The following SLC4A4 variants were observed in gnomAD, a reference collection of about 807,000 sequenced individuals.
SLC4A4 encodes the protein electrogenic sodium bicarbonate cotransporter 1.
A neutral mutation model predicts 111.5 loss-of-function variants in SLC4A4; 27 were observed. The observed-to-expected ratio is 0.24, with a 90% CI of 0.18 to 0.33. The LOEUF is 0.33. Among genes scored for constraint, SLC4A4 ranks in the 10% least tolerant of loss-of-function variants. The probability of loss-of-function intolerance (pLI) is 1.00; values close to 1 mark genes in which losing one functional copy is unlikely to be tolerated. For missense variants in SLC4A4, 909 were observed against 1,315.5 expected (o/e 0.69, Z 4.78); for synonymous variants, 443 against 463.4 (o/e 0.96, Z 0.57).
At chr4:71,452,140 A>C (rs1158393153) in intron 11 of SLC4A4, among the ~76,000 whole-genome samples, 1 of 152,054 alleles carries the variant, frequency 6.6e-6, no homozygotes, top group African/African-American at 2.4e-5. Flanking sequence ...ATAATATGCA[A>C]TTGAATGTGA....
At chr4:71,530,571 T>C (rs956137063) in intron 16 of SLC4A4, among the ~76,000 whole-genome samples, 3 of 152,098 alleles carry the variant, frequency 2.0e-5, no homozygotes, top group African/African-American at 7.2e-5. Context: ...AAGGCTGGCC[T>C]TCTCTTCCTC....
At chr4:71,468,581 A>G (rs1727590929) in intron 13 of SLC4A4, among the ~76,000 whole-genome samples, 1 of 152,012 alleles carries the variant, frequency 6.6e-6, no homozygotes, top group African/African-American at 2.4e-5. Context: ...ACTTAGTAAT[A>G]TGTGGCAAGC....
chr4:71,145,657 C>A (rs1261404900), intron 2 of SLC4A4, among the ~76,000 whole-genome samples: 1 of 152,148 alleles, frequency 6.6e-6, no homozygotes, highest in African/African-American at 2.4e-5. Flanking sequence ...GATTCAACTT[C>A]TTCCTGGTTT....
At chr4:71,128,320 A>G (rs1743612703) in intron 2 of SLC4A4, among the ~76,000 whole-genome samples, 1 of 152,126 alleles carries the variant, frequency 6.6e-6, no homozygotes, top group African/African-American at 2.4e-5. Flanking sequence ...ACCCATTCAC[A>G]ATCATGAGAA....
chr4:71,221,757 G>C (rs1409965120), intron 1 of SLC4A4, among the ~76,000 whole-genome samples: 2 of 152,202 alleles, frequency 1.3e-5, no homozygotes, highest in Non-Finnish European at 2.9e-5. Context: ...AGTTAATGCA[G>C]ATTGGCCTTT....
intron 2 of SLC4A4, among the ~76,000 whole-genome samples, chr4:71,239,035 G>A (rs1720001290): frequency 6.6e-6 from 1 of 152,134 alleles, no homozygotes; most frequent in African/African-American, 2.4e-5. Flanking sequence ...ATAGAGAAGA[G>A]TGTATCTGAA....
chr4:71,143,537 A>G (rs1325781575), intron 2 of SLC4A4, among the ~76,000 whole-genome samples: 1 of 152,204 alleles, frequency 6.6e-6, no homozygotes, highest in Non-Finnish European at 1.5e-5. Flanking sequence ...GACTTCCACA[A>G]TGGTTGAACT....
chr4:71,303,177 C>T (rs1725403018), intron 3 of SLC4A4, among the ~76,000 whole-genome samples: 1 of 152,104 alleles, frequency 6.6e-6, no homozygotes, highest in Non-Finnish European at 1.5e-5. Context: ...ATTACAGATA[C>T]AAATCTGAGG....
chr4:71,438,032 G>A (rs1345514003), intron 7 of SLC4A4: 1 of 153,756 alleles, frequency 6.5e-6, no homozygotes, highest in Non-Finnish European at 1.4e-5. Flanking sequence ...CTTTGCTACT[G>A]TGGCTGCGCA....
chr4:71,440,574 C>T (rs1724625058), intron 7 of SLC4A4, 42 bp from the exon 8 acceptor site: 39 of 1,612,530 alleles, frequency 2.4e-5, no homozygotes, highest in Non-Finnish European at 3.3e-5. Context: ...CCACAGGAAC[C>T]TTGTGGAACT....
intron 3 of SLC4A4, among the ~76,000 whole-genome samples, chr4:71,335,804 A>G (rs1329063746): frequency 6.6e-6 from 1 of 151,912 alleles, no homozygotes; most frequent in Non-Finnish European, 1.5e-5. Context: ...CAGCCTGGGC[A>G]ATAGTGTGAG....
In SLC4A4 at chr4:71,473,177, G is replaced by A. The variant is rs764724924; in HGVS notation, c.1903+207G>A. On this transcript the variant is annotated intron_variant, in intron 14 of 25. Coordinates refer to ENST00000264485, the MANE Select transcript of SLC4A4 (RefSeq NM_001098484.3). ...AACCAGGAAGGAGACCAGGAGCTCTGGAATGTGAACATAACCAACTCAATA... is the reference window on the plus strand; with the variant it reads ...AACCAGGAAGGAGACCAGGAGCTCTAGAATGTGAACATAACCAACTCAATA... 7.1e-6 allele frequency: 5 copies of A among 699,482 alleles called. No individual in the cohort carries two copies. The East Asian group carries it at 1.1e-4, about 15-fold the overall frequency. The allele number at this position is 699,482 out of a possible 1,614,324, so 43.3% of individuals were successfully genotyped here.
intron 1 of SLC4A4, among the ~76,000 whole-genome samples, chr4:71,227,979 C>G (rs1719160480): frequency 6.6e-6 from 1 of 152,178 alleles, no homozygotes; most frequent in Non-Finnish European, 1.5e-5. Context: ...AGCACACGGT[C>G]TTTGTGGAAG....
At chr4:71,235,220 C>G (rs1482022440) in intron 1 of SLC4A4, among the ~76,000 whole-genome samples, 1 of 152,174 alleles carries the variant, frequency 6.6e-6, no homozygotes, top group Non-Finnish European at 1.5e-5. Flanking sequence ...ATTTCTTAAA[C>G]CGGGGGCTAC....
chr4:71,435,447 A>G (rs560382484), intron 7 of SLC4A4, among the ~76,000 whole-genome samples: 1 of 152,370 alleles, frequency 6.6e-6, no homozygotes, highest in African/African-American at 2.4e-5. Context: ...ACCTAAAACC[A>G]TAAAATCCAT....
intron 2 of SLC4A4, among the ~76,000 whole-genome samples, chr4:71,109,529 T>C (rs959833160): frequency 1.3e-5 from 2 of 151,820 alleles, no homozygotes; most frequent in Non-Finnish European, 2.9e-5. Context: ...GGGTCCTTTA[T>C]TTTTATTTTT....
At chr4:71,202,785 C>G (rs2149004314) in intron 1 of SLC4A4, among the ~76,000 whole-genome samples, 1 of 152,104 alleles carries the variant, frequency 6.6e-6, no homozygotes, top group East Asian at 1.9e-4. Flanking sequence ...ATATGATGAT[C>G]TGTAGAAAAT....
chr4:71,292,017 G>T (rs1724392367), intron 3 of SLC4A4, among the ~76,000 whole-genome samples: 1 of 151,674 alleles, frequency 6.6e-6, no homozygotes, highest in Admixed American at 6.6e-5. Flanking sequence ...AAACAATCCA[G>T]TCATACTCTT....
intron 16 of SLC4A4, among the ~76,000 whole-genome samples, chr4:71,516,070 TG>T (rs1264402100): frequency 6.8e-6 from 1 of 146,774 alleles, no homozygotes. Flanking sequence ...ATTTGTGGTT[TG>T]GGGGATTTCT....
Sources: allele counts gnomAD v4.1 joint callset (sites outside exome capture counted in the v4.1 genomes callset), GRCh38; gene constraint gnomAD v4.1.1; transcripts MANE v1.5; gene names NCBI Gene and HGNC (gene_info 2026-07-23, HGNC 2026-07-21).